DEFB109B: variants seen among roughly 807,000 people sequenced by gnomAD.
DEFB109B encodes beta-defensin 109B.
chr8:7,315,796 G>A (rs200283962), intron 1 of DEFB109B, among the ~76,000 whole-genome samples: 1 of 145,646 alleles, frequency 6.9e-6, no homozygotes, highest in Non-Finnish European at 1.5e-5. Context: ...AAGTTAATTA[G>A]CTTTTTTTAA....
chr8:7,319,332 C>T (rs1224390008), intron 1 of DEFB109B: 2 of 145,012 alleles, frequency 1.4e-5, no homozygotes, highest in Non-Finnish European at 2.9e-5. Context: ...ACCTGAGATG[C>T]CAGAAACATC....
intron 1 of DEFB109B, chr8:7,318,571 A>G (rs1803088520): frequency 7.8e-6 from 1 of 128,856 alleles, no homozygotes; most frequent in Non-Finnish European, 1.5e-5. Flanking sequence ...CATATTTAAT[A>G]GGATCCATTT....
intron 1 of DEFB109B, chr8:7,319,272 A>G (rs1466894810): frequency 7.4e-6 from 1 of 135,642 alleles, no homozygotes; most frequent in Non-Finnish European, 1.5e-5. Flanking sequence ...AGAGAGAGTG[A>G]AAGAAAAAAA....
chr8:7,310,589 G>A (rs1802565265), upstream of DEFB109B, among the ~76,000 whole-genome samples: 1 of 141,456 alleles, frequency 7.1e-6, no homozygotes, highest in South Asian at 2.1e-4. Flanking sequence ...TACTGTGTGT[G>A]TGTGTGTGTG....
At chr8:7,319,755 G>A (rs537604998) in exon 2 of DEFB109B, 2 of 146,450 alleles carry the variant, frequency 1.4e-5, no homozygotes, top group South Asian at 2.1e-4. Flanking sequence ...GTAAGAGGTG[G>A]TTTGGGTCCT....
In DEFB109B at chr8:7,315,511, A is replaced by AAG. The variant is rs1554508739; in HGVS notation, n.58+2609_58+2610insGA. ...GAGACTCCGTCAAAAAAAAAAAAAA[A>AAG]AAGAAGAAGAAGAATAAAGAAAGAA... is the stretch of plus-strand genomic sequence containing the variant. On this transcript the variant is annotated intron_variant and non_coding_transcript_variant, in intron 1 of 1. Coordinates refer to ENST00000382656, the Ensembl canonical transcript of DEFB109B. 1.3e-3 allele frequency among the ~76,000 whole-genome samples: 174 copies of AAG among 133,986 alleles called. 9 individuals are homozygous for AAG. Among genetic ancestry groups the AAG allele is most frequent in the African/African-American group, 4.6e-3 (128 of 28,074 alleles). The allele number at this position is 133,986 out of a possible 152,430, so 87.9% of individuals were successfully genotyped here. A position where few individuals can be genotyped will look rare whatever the true frequency, so the allele number is the denominator to read the frequency against.
At chr8:7,316,484 CT>C (rs1313021353) in intron 1 of DEFB109B, among the ~76,000 whole-genome samples, 8 of 58,320 alleles carry the variant, frequency 1.4e-4, no homozygotes, top group African/African-American at 3.9e-4. Context: ...AATGTTAGAC[CT>C]TGTGTTTCCA....
At chr8:7,315,610 A>C (rs1239998318) in intron 1 of DEFB109B, among the ~76,000 whole-genome samples, 3 of 132,208 alleles carry the variant, frequency 2.3e-5, no homozygotes, top group African/African-American at 3.8e-5. Flanking sequence ...GCCCCTACTG[A>C]TGCTAAACTA....
intron 1 of DEFB109B, 48 bp from the exon 2 acceptor site, chr8:7,319,698 A>G (rs1803194108): frequency 6.8e-6 from 1 of 148,090 alleles, no homozygotes; most frequent in South Asian, 2.1e-4. Flanking sequence ...TTATGGATTT[A>G]CATTCCATTT....
At chr8:7,311,940 T>C (rs959898957), upstream of DEFB109B, among the ~76,000 whole-genome samples, 6 of 122,840 alleles carry the variant, frequency 4.9e-5, no homozygotes, top group Non-Finnish European at 9.2e-5. Context: ...CAAAGCTCTT[T>C]TGTGATTTCA....
chr8:7,318,734 G>T (rs1037320130), intron 1 of DEFB109B: 2 of 142,066 alleles, frequency 1.4e-5, no homozygotes, highest in Non-Finnish European at 3.0e-5. Context: ...CACTTTATTC[G>T]AAGGATATTG....
At chr8:7,309,699 A>G (rs1216104611), upstream of DEFB109B, among the ~76,000 whole-genome samples, 1 of 145,858 alleles carries the variant, frequency 6.9e-6, no homozygotes, top group East Asian at 2.0e-4. Context: ...TTTACCCAAG[A>G]AGATGATCAG....
At chr8:7,315,750 G>A (rs1421744728) in intron 1 of DEFB109B, among the ~76,000 whole-genome samples, 2 of 142,568 alleles carry the variant, frequency 1.4e-5, no homozygotes, top group Non-Finnish European at 3.0e-5. Flanking sequence ...GTGTGGATCC[G>A]TTCTTTTTTC....
intron 1 of DEFB109B, among the ~76,000 whole-genome samples, chr8:7,317,343 G>C (rs1181819233): frequency 1.3e-3 from 185 of 145,160 alleles, no homozygotes; most frequent in African/African-American, 5.1e-3. Flanking sequence ...GATAATAGCA[G>C]ATCTTCCCAG....
In DEFB109B at chr8:7,315,326, C is replaced by A. The variant is rs374881093; in HGVS notation, n.58+2423C>A. Among the ~76,000 whole-genome samples the A allele has an allele frequency of 4.4e-5, 6 of 135,096 alleles. No individual in the cohort carries two copies. The East Asian group carries it at 1.2e-3, about 27-fold the overall frequency. 88.6% of individuals were successfully genotyped at this position (135,096 alleles called of 152,430 possible). A position where few individuals can be genotyped will look rare whatever the true frequency, so the allele number is the denominator to read the frequency against. On this transcript the variant is annotated intron_variant and non_coding_transcript_variant, in intron 1 of 1. Transcript: ENST00000382656. ...AGGTCAGTGGCTAACACGGTGAAAC[C>A]CTTTCTCTACTAAATACAAAAAATT...
rs1467973871 is a variant in DEFB109B, at chr8:7,319,742, T to G, written n.59-4T>G. 22 of 146,916 alleles carry G rather than the reference T, an allele frequency of 1.5e-4. 1 individual carries two copies. Among genetic ancestry groups the G allele is most frequent in the East Asian group, 3.9e-4 (2 of 5,108 alleles). The allele number at this position is 146,916 out of a possible 1,614,324, so 9.1% of individuals were successfully genotyped here. A position where few individuals can be genotyped will look rare whatever the true frequency, so the allele number is the denominator to read the frequency against. On this transcript the variant is annotated splice_region_variant and splice_polypyrimidine_tract_variant and intron_variant and non_coding_transcript_variant, in intron 1 of 1. Coordinates refer to ENST00000382656, the Ensembl canonical transcript of DEFB109B. ...ACTATCTCACTGGATCTTCTTTCCTTCAGTAAGAGGTGGTTTGGGTCCTGC... is the reference window on the plus strand; with the variant it reads ...ACTATCTCACTGGATCTTCTTTCCTGCAGTAAGAGGTGGTTTGGGTCCTGC...
chr8:7,309,720 T>C (rs1585305869), upstream of DEFB109B, among the ~76,000 whole-genome samples: 21 of 144,188 alleles, frequency 1.5e-4, no homozygotes, highest in South Asian at 4.5e-3. Flanking sequence ...GCATCCTAAG[T>C]AGATCAGAAA....
upstream of DEFB109B, among the ~76,000 whole-genome samples, chr8:7,309,658 G>T (rs1802499609): frequency 6.8e-6 from 1 of 148,132 alleles, no homozygotes; most frequent in Admixed American, 6.6e-5. Flanking sequence ...AACAGACATG[G>T]TTTTGGTGAT....
At chr8:7,315,371 T>G (rs1456775695) in intron 1 of DEFB109B, among the ~76,000 whole-genome samples, 2 of 137,678 alleles carry the variant, frequency 1.5e-5, no homozygotes, top group Admixed American at 1.3e-4. Context: ...CGGTGGTACA[T>G]GCCTTTAGTC....
Sources: gnomAD v4.1 joint callset for allele counts (sites outside exome capture counted in the v4.1 genomes callset) on GRCh38, gnomAD v4.1.1 for gene constraint, MANE v1.5 for transcripts, NCBI Gene and HGNC (gene_info 2026-07-23, HGNC 2026-07-21) for gene names.